USP36: variants seen among roughly 807,000 people sequenced by gnomAD.
The protein encoded by USP36 is ubiquitin specific peptidase 36, also known as ubiquitin carboxyl-terminal hydrolase 36.
In USP36, 59 loss-of-function variants were observed where a neutral mutation model predicts 111.5. The ratio of observed to expected loss-of-function variants is 0.53; its 90% CI spans 0.43 to 0.66. USP36 has a LOEUF of 0.66. Among genes scored for constraint, USP36 ranks in the 30% least tolerant of loss-of-function variants. The pLI is 0.00. For missense variants in USP36, 1,488 were observed against 1,468.0 expected (o/e 1.01, Z -0.22); for synonymous variants, 628 against 581.0 (o/e 1.08, Z -1.16).
In USP36 at chr17:78,831,942, C is replaced by CAAA. The variant is rs573258267; in HGVS notation, c.476-2938_476-2936dup. Among the ~76,000 whole-genome samples, 126 of 77,036 alleles carry CAAA rather than the reference C, an allele frequency of 1.6e-3. 1 individual carries two copies. Among genetic ancestry groups the CAAA allele is most frequent in the African/African-American group, 4.8e-3 (85 of 17,862 alleles). 50.5% of individuals were successfully genotyped at this position (77,036 alleles called of 152,430 possible). On this transcript the variant is annotated intron_variant, in intron 4 of 20. Transcript: ENST00000449938. ...TGCGTGACAGAGTGAGAGCTTGTCTCAAAAAAAAAAAAAAAAAAAAGCTTC... is the reference window on the plus strand; with the variant it reads ...TGCGTGACAGAGTGAGAGCTTGTCTCAAAAAAAAAAAAAAAAAAAAAAAGCTTC...
chr17:78,806,064 G>C, intron 15 of USP36, 92 bp downstream of exon 15: 5 of 1,595,222 alleles, frequency 3.1e-6, no homozygotes, highest in Non-Finnish European at 3.4e-6. Flanking sequence ...TGTCCTGTGA[G>C]GTTGGCGATT....
chr17:78,806,214 G>C lies in USP36; in HGVS notation c.2158C>G (p.His720Asp). 1 of 1,613,788 alleles carries C rather than the reference G, an allele frequency of 6.2e-7. No individual in the cohort carries two copies. The highest frequency in any genetic ancestry group is 1.1e-5 in the South Asian group (1 of 91,054). ...PPPSPSSDLTHPMKTSHPVVA... is the reference protein window; with the variant it reads ...PPPSPSSDLTDPMKTSHPVVA... Reference sequence around the variant, plus strand: ...ACGGGGTGAGAGGTTTTCATGGGGTGGGTGAGGTCGGAGGATGGTGAGGGG... The same window carrying C: ...ACGGGGTGAGAGGTTTTCATGGGGTCGGTGAGGTCGGAGGATGGTGAGGGG... The change falls in exon 15 of 21, where the codon CAC (histidine) becomes GAC (aspartate). Residue 720 changes from histidine to aspartate, a missense_variant. Coordinates refer to ENST00000449938, the MANE Select transcript of USP36 (RefSeq NM_001385174.1).
chr17:78,834,222 AG>A (rs1161125981), intron 4 of USP36, among the ~76,000 whole-genome samples: 2 of 151,252 alleles, frequency 1.3e-5, no homozygotes, highest in Non-Finnish European at 2.9e-5. Context: ...ACTCCAGCCT[AG>A]GCAACAGAGT....
At chr17:78,832,426 G>T (rs1289591559) in intron 4 of USP36, among the ~76,000 whole-genome samples, 2 of 152,218 alleles carry the variant, frequency 1.3e-5, no homozygotes, top group Non-Finnish European at 2.9e-5. Context: ...TATGTTCCAA[G>T]ATAGTAAGAT....
intron 6 of USP36, among the ~76,000 whole-genome samples, chr17:78,824,119 G>A (rs910124107): frequency 1.9e-4 from 29 of 152,230 alleles, no homozygotes; most frequent in East Asian, 3.8e-4. Flanking sequence ...CCTCCTGGAG[G>A]AACTTATGAG....
intron 3 of USP36, among the ~76,000 whole-genome samples, chr17:78,788,406 G>C (rs2093553883): frequency 6.6e-6 from 1 of 152,088 alleles, no homozygotes; most frequent in South Asian, 2.1e-4. Context: ...CTCGTGATCT[G>C]CCTGCCTCGG....
chr17:78,804,078 C>G (rs981296434), intron 15 of USP36, 100 bp from the exon 16 acceptor site: 1 of 849,136 alleles, frequency 1.2e-6, no homozygotes, highest in Non-Finnish European at 1.8e-6. Flanking sequence ...ACCTAAAAAT[C>G]TGAAAAGGCT....
At chr17:78,801,431 C>A (rs1271355705) in intron 17 of USP36, among the ~76,000 whole-genome samples, 1 of 152,194 alleles carries the variant, frequency 6.6e-6, no homozygotes, top group African/African-American at 2.4e-5. Context: ...GTCCTGCTGA[C>A]CCCCAGATGC....
Position 78,802,438 on chromosome 17 carries a change from C to T in USP36, c.2908G>A (p.Glu970Lys), listed in dbSNP as rs1157098842. 5.0e-6 allele frequency: 8 copies of T among 1,612,532 alleles called. No homozygotes were observed. The highest frequency in any genetic ancestry group is 4.2e-6 in the Non-Finnish European group (5 of 1,179,736). ...GGGCATTTGAGATGCCCATCCTCTT[C>T]TACTGCCCGCTGTGTCTCCTGCTTT... The part of the protein sequence containing the change: ...KRKQETQRAV[E>K]EDGHLKCPRS... Residue 970 changes from glutamate to lysine, a missense_variant, in exon 17 of 21, where the codon GAA becomes AAA. By Grantham distance (56) the Glu-to-Lys change is moderately conservative (BLOSUM62 1). Transcript: ENST00000449938.
intron 9 of USP36, among the ~76,000 whole-genome samples, chr17:78,819,390 G>A (rs2094264866): frequency 6.6e-6 from 1 of 152,228 alleles, no homozygotes; most frequent in South Asian, 2.1e-4. Flanking sequence ...TGGCCAACAA[G>A]GTGAAACCCT....
intron 2 of USP36, among the ~76,000 whole-genome samples, 200 bp downstream of exon 2, chr17:78,838,380 AAAAAAAC>A (rs1379613918): frequency 8.6e-5 from 13 of 151,148 alleles, no homozygotes; most frequent in Non-Finnish European, 1.5e-5. Flanking sequence ...TCAAAAAAAA[AAAAAAAC>A]AAAAAACAAA....
At chr17:78,792,928 C>T (rs1425639282), downstream of USP36, among the ~76,000 whole-genome samples, 2 of 152,122 alleles carry the variant, frequency 1.3e-5, no homozygotes, top group African/African-American at 4.8e-5. Flanking sequence ...GTTGGTCAGG[C>T]TGGTCTCGAA....
Position 78,835,279 on chromosome 17 carries a change from C to T in USP36, c.475+1G>A. ...CCCCACTGCTGCAAACCCACACTCA[C>T]AGCTGCGAGCATGCTCCTTGGAGAG... On this transcript the variant is annotated splice_donor_variant, in intron 4 of 20. Transcript: ENST00000449938. LOFTEE classifies it high-confidence loss of function. The T allele has an allele frequency of 6.2e-7, 1 of 1,613,920 alleles. No homozygotes were observed. Among genetic ancestry groups the T allele is most frequent in the Non-Finnish European group, 8.5e-7 (1 of 1,179,956 alleles).
chr17:78,814,493 A>T lies in USP36; in HGVS notation c.1083T>A (p.Asp361Glu), dbSNP rs765109682. ...CAGCATAGAGTCCATACATGACAGG[A>T]TCACCATTATTCTGGGACATATACG... is the stretch of plus-strand genomic sequence containing the variant. ...IRPYMSQNNG[D>E]PVMYGLYAVL... Residue 361 changes from aspartate to glutamate, a missense_variant, in exon 11 of 21, where the codon GAT becomes GAA. By Grantham distance (45) the Asp-to-Glu change is conservative. Coordinates refer to ENST00000449938, the MANE Select transcript of USP36 (RefSeq NM_001385174.1). The T allele has an allele frequency of 6.8e-6, 11 of 1,614,124 alleles. No homozygotes were observed. In the Admixed American group the frequency reaches 1.3e-4, roughly 20 times the overall value.
At chr17:78,827,050 C>T (rs1177707468) in intron 6 of USP36, 195 bp downstream of exon 6, 1 of 723,164 alleles carries the variant, frequency 1.4e-6, no homozygotes, top group Non-Finnish European at 2.5e-6. Context: ...GGAGACAGCC[C>T]TTTCCCAGGA....
At chr17:78,824,664 T>C (rs748193135) in intron 6 of USP36, among the ~76,000 whole-genome samples, 8 of 152,314 alleles carry the variant, frequency 5.3e-5, no homozygotes, top group Non-Finnish European at 1.0e-4. Flanking sequence ...ATGCTACCTA[T>C]AATTACTATA....
intron 8 of USP36, among the ~76,000 whole-genome samples, 161 bp downstream of exon 8, chr17:78,820,830 A>G (rs7207246): frequency 0.058 from 8,816 of 152,256 alleles, 815 homozygotes; most frequent in African/African-American, 0.2. Context: ...ACTCTAGAAA[A>G]AAACAGGTAA....
rs2279309 is a variant in USP36, at chr17:78,796,751, G to A, written c.*1149C>T. ...GAAGGAGGTCTAAGTCCAACACCAC[G>A]TTGTCCATCTCCACCTGCGACGACT... is the stretch of plus-strand genomic sequence containing the variant. On this transcript the variant is annotated 3_prime_UTR_variant, in exon 21 of 21. Coordinates refer to ENST00000449938, the MANE Select transcript of USP36 (RefSeq NM_001385174.1). 0.055 allele frequency: 8,398 copies of A among 152,286 alleles called. 431 individuals are homozygous for A. The highest frequency in any genetic ancestry group is 0.15 in the South Asian group (722 of 4,808). 9.4% of individuals were successfully genotyped at this position (152,286 alleles called of 1,614,324 possible). A position where few individuals can be genotyped will look rare whatever the true frequency, so the allele number is the denominator to read the frequency against.
At chr17:78,805,827 C>T (rs1339480472) in intron 15 of USP36, among the ~76,000 whole-genome samples, 2 of 152,254 alleles carry the variant, frequency 1.3e-5, no homozygotes, top group African/African-American at 2.4e-5. Flanking sequence ...CTGGGAAGTA[C>T]TGTCATGGGG....
Sources: allele counts gnomAD v4.1 joint callset (sites outside exome capture counted in the v4.1 genomes callset), GRCh38; gene constraint gnomAD v4.1.1; transcripts MANE v1.5; gene names NCBI Gene and HGNC (gene_info 2026-07-23, HGNC 2026-07-21).